ZFP30: variants seen among roughly 807,000 people sequenced by gnomAD.
The protein encoded by ZFP30 is zinc finger protein 30 homolog.
Under a neutral mutation model 12.3 loss-of-function variants are expected in ZFP30, and 16 were observed. The ratio of observed to expected loss-of-function variants is 1.30; its 90% CI spans 0.88 to 1.98. ZFP30 has a LOEUF of 1.98. Among genes scored for constraint, ZFP30 ranks in the 30% most tolerant of loss-of-function variants. The probability of loss-of-function intolerance (pLI) is 0.00; values close to 1 mark genes in which losing one functional copy is unlikely to be tolerated. For missense variants in ZFP30, 560 were observed against 611.2 expected (o/e 0.92, Z 0.88); for synonymous variants, 172 against 201.0 (o/e 0.86, Z 1.22).
intron 2 of ZFP30, among the ~76,000 whole-genome samples, chr19:37,650,124 A>ATT: frequency 7.1e-6 from 1 of 140,938 alleles, no homozygotes; most frequent in Non-Finnish European, 1.6e-5. Flanking sequence ...GAATCTTTAC[A>ATT]TTTTTTTTTT....
chr19:37,642,613 A>G (rs1279868626), intron 5 of ZFP30, among the ~76,000 whole-genome samples: 1 of 152,148 alleles, frequency 6.6e-6, no homozygotes, highest in Admixed American at 6.5e-5. Flanking sequence ...GAACATGGGC[A>G]ATGAAAAAAT....
rs1399306215 is a variant in ZFP30 at position 37,637,568 on chromosome 19, G to A, written c.236-1263C>T. 2.6e-5 allele frequency among the ~76,000 whole-genome samples: 4 copies of A among 151,988 alleles called. No individual in the cohort carries two copies. The East Asian group carries it at 5.8e-4, about 22-fold the overall frequency. ...TGCAGTGGCATGATCTCGGTTCACT[G>A]CAATCTCTACCCCAGGGTTCAAGCA... On this transcript the variant is annotated intron_variant, in intron 5 of 5. Transcript: ENST00000684514.
rs1354462010 is a variant in ZFP30, at chr19:37,631,746, CTT to C, written c.*3233_*3234del. 6.7e-6 allele frequency: 1 copy of C among 149,418 alleles called. No individual in the cohort carries two copies. The highest frequency in any genetic ancestry group is 2.0e-4 in the East Asian group (1 of 5,062). The allele number at this position is 149,418 out of a possible 1,614,324, so 9.3% of individuals were successfully genotyped here. ...ATGATACTGGGCCAGAATCGTATCT[CTT>C]TTACTATCATTATGATGTTCTGAAG... is the stretch of plus-strand genomic sequence containing the variant. On this transcript the variant is annotated 3_prime_UTR_variant, in exon 6 of 6. Transcript: ENST00000684514.
rs777194090 is a variant in ZFP30 at position 37,636,307 on chromosome 19, T to G, written c.236-2A>C. 6.4e-7 allele frequency: 1 copy of G among 1,562,830 alleles called. No individual in the cohort carries two copies. The highest frequency in any genetic ancestry group is 8.6e-7 in the Non-Finnish European group (1 of 1,159,634). ...TAGTGTCATATCTGGATTCCAAATC[T>G]GAAAGAAAACAAGACCAAAACATAT... On this transcript the variant is annotated splice_acceptor_variant, in intron 5 of 5. Coordinates refer to ENST00000684514, the MANE Select transcript of ZFP30 (RefSeq NM_001320669.3). LOFTEE classifies it high-confidence loss of function.
rs113545013 is a variant in ZFP30, at chr19:37,634,956, C to T, written c.*25G>A. 3.2e-5 allele frequency: 48 copies of T among 1,507,646 alleles called. No individual in the cohort carries two copies. The highest frequency in any genetic ancestry group is 2.9e-4 in the African/African-American group (21 of 71,806). 93.4% of individuals were successfully genotyped at this position (1,507,646 alleles called of 1,614,324 possible). ...TACTTCCTATGCTCAACATAAAATT[C>T]GCAAAGGAAGAGTTCTAATAATTAT... On this transcript the variant is annotated 3_prime_UTR_variant, in exon 6 of 6. Transcript: ENST00000684514.
In ZFP30 at chr19:37,631,375, C is replaced by G. The variant is rs2044230110; in HGVS notation, c.*3606G>C. ...TAATTTTAATATGCTCATTTAACCA[C>G]AGAATGCTTTCTAAAAATACCATCA... is the stretch of plus-strand genomic sequence containing the variant. On this transcript the variant is annotated 3_prime_UTR_variant, in exon 6 of 6. Coordinates refer to ENST00000684514, the MANE Select transcript of ZFP30 (RefSeq NM_001320669.3). 1 of 152,122 alleles carries G rather than the reference C, an allele frequency of 6.6e-6. No homozygotes were observed. Among genetic ancestry groups the G allele is most frequent in the South Asian group, 2.1e-4 (1 of 4,830 alleles). 9.4% of individuals were successfully genotyped at this position (152,122 alleles called of 1,614,324 possible).
At chr19:37,646,351 T>G (rs2044544022) in intron 3 of ZFP30, among the ~76,000 whole-genome samples, 1 of 152,168 alleles carries the variant, frequency 6.6e-6, no homozygotes, top group African/African-American at 2.4e-5. Context: ...TATATTATAT[T>G]TAGAATTTAC....
intron 2 of ZFP30, among the ~76,000 whole-genome samples, chr19:37,652,674 T>C (rs1364546576): frequency 6.6e-6 from 1 of 152,198 alleles, no homozygotes; most frequent in East Asian, 1.9e-4. Flanking sequence ...TTTCTGGACA[T>C]TGGGACCATT....
In ZFP30 at chr19:37,635,260, TTGAG is replaced by T. The variant is rs764084634; in HGVS notation, c.1277_1280del (p.Thr426AsnfsTer55). On this transcript the variant is annotated frameshift_variant, in exon 6 of 6. Transcript: ENST00000684514. LOFTEE classifies it high-confidence loss of function. ...TCTCACCAAAATGAATACTCTGATG[TTGAG>T]TAAGCTGTGAGAACAGCCTAAATGC... is the stretch of plus-strand genomic sequence containing the variant. 24 of 1,614,032 alleles carry T rather than the reference TTGAG, an allele frequency of 1.5e-5. No individual in the cohort carries two copies. The highest frequency in any genetic ancestry group is 1.4e-4 in the South Asian group (13 of 91,064).
At position 37,647,882 on chromosome 19, in the gene ZFP30, G is replaced by C. The variant is rs1018591086; in HGVS notation, c.-60C>G. On this transcript the variant is annotated 5_prime_UTR_variant, in exon 3 of 6. Coordinates refer to ENST00000684514, the MANE Select transcript of ZFP30 (RefSeq NM_001320669.3). ...CAAGGTTCATGTACTTCAGAAGCAGGGTCCACAGACACCAGAGCTGCAGAA... is the reference window on the plus strand; with the variant it reads ...CAAGGTTCATGTACTTCAGAAGCAGCGTCCACAGACACCAGAGCTGCAGAA... 2.5e-6 allele frequency: 4 copies of C among 1,592,146 alleles called. No homozygotes were observed. The highest frequency in any genetic ancestry group is 1.7e-4 in the Middle Eastern group (1 of 6,022).
chr19:37,652,986 G>A (rs749712337), intron 2 of ZFP30, among the ~76,000 whole-genome samples: 10 of 150,826 alleles, frequency 6.6e-5, no homozygotes, highest in Admixed American at 5.3e-4. Context: ...GCATGGTGGC[G>A]GGCACCTGTA....
chr19:37,642,996 T>C (rs1469103929), intron 5 of ZFP30, among the ~76,000 whole-genome samples: 1 of 134,034 alleles, frequency 7.5e-6, no homozygotes, highest in Non-Finnish European at 1.5e-5. Context: ...GAGCTTGCAG[T>C]GAGCAGAGAT....
chr19:37,639,773 A>G (rs923070566), intron 5 of ZFP30, among the ~76,000 whole-genome samples: 1 of 144,696 alleles, frequency 6.9e-6, no homozygotes, highest in African/African-American at 2.6e-5. Flanking sequence ...TGTAAAATTT[A>G]TCCTGTAAAA....
At position 37,634,748 on chromosome 19, in the gene ZFP30, TCA is replaced by T. The variant is rs2044286597; in HGVS notation, c.*231_*232del. ...GGTAAGATCAAAAGCTTTTCCACAT[TCA>T]GTCCTGTAATAAAGTTCTTTTCTAG... On this transcript the variant is annotated 3_prime_UTR_variant, in exon 6 of 6. Coordinates refer to ENST00000684514, the MANE Select transcript of ZFP30 (RefSeq NM_001320669.3). The T allele has an allele frequency of 4.7e-6, 2 of 426,424 alleles. No homozygotes were observed. Among genetic ancestry groups the T allele is most frequent in the South Asian group, 1.5e-4 (2 of 13,730 alleles). The allele number at this position is 426,424 out of a possible 1,614,324, so 26.4% of individuals were successfully genotyped here. A position where few individuals can be genotyped will look rare whatever the true frequency, so the allele number is the denominator to read the frequency against.
intron 5 of ZFP30, among the ~76,000 whole-genome samples, chr19:37,638,674 C>T (rs1483927102): frequency 6.6e-6 from 1 of 152,212 alleles, no homozygotes; most frequent in Non-Finnish European, 1.5e-5. Context: ...ACTACAACTA[C>T]ATGCAGCAAG....
intron 4 of ZFP30, chr19:37,644,250 G>A (rs1294876640): frequency 1.9e-5 from 3 of 158,030 alleles, no homozygotes; most frequent in African/African-American, 7.2e-5. Flanking sequence ...TTTTTAGAAA[G>A]ACAGCCCAGA....
intron 5 of ZFP30, among the ~76,000 whole-genome samples, chr19:37,637,229 A>T: frequency 7.3e-6 from 1 of 136,362 alleles, no homozygotes. Flanking sequence ...TTAAAGACAG[A>T]GTTTCGCTCT....
chr19:37,635,869 T>C lies in ZFP30; in HGVS notation c.672A>G (p.Thr224=), dbSNP rs1257682298. Residue 224 remains threonine (T), a synonymous_variant, in exon 6 of 6, where the codon ACA becomes ACG. Transcript: ENST00000684514. ...GATGTACTCGAAGGTCTGAGCCACA[T>C]GTGAAGATCTTTCCACATTTTTTAC... ...YECKKCGKIF[T]CGSDLRVHQR... The C allele has an allele frequency of 9.3e-6, 15 of 1,614,100 alleles. No individual in the cohort carries two copies. Among genetic ancestry groups the C allele is most frequent in the South Asian group, 2.2e-5 (2 of 91,084 alleles).
Position 37,647,894 on chromosome 19 carries a change from C to T in ZFP30, c.-72G>A. On this transcript the variant is annotated 5_prime_UTR_variant, in exon 3 of 6. The change creates a new upstream start codon in the 5' untranslated region. Coordinates refer to ENST00000684514, the MANE Select transcript of ZFP30 (RefSeq NM_001320669.3). Reference sequence around the variant, plus strand: ...ACTTCAGAAGCAGGGTCCACAGACACCAGAGCTGCAGAAAGAACATGTAAA... The same window carrying T: ...ACTTCAGAAGCAGGGTCCACAGACATCAGAGCTGCAGAAAGAACATGTAAA... 6.5e-7 allele frequency: 1 copy of T among 1,550,204 alleles called. No homozygotes were observed. Among genetic ancestry groups the T allele is most frequent in the Non-Finnish European group, 8.9e-7 (1 of 1,124,548 alleles).
Sources: gnomAD v4.1 joint callset for allele counts (sites outside exome capture counted in the v4.1 genomes callset) on GRCh38, gnomAD v4.1.1 for gene constraint, MANE v1.5 for transcripts, NCBI Gene and HGNC (gene_info 2026-07-23, HGNC 2026-07-21) for gene names.